Variants in ZCWPW2 observed in about 807,000 individuals in gnomAD.
The protein encoded by ZCWPW2 is zinc finger CW-type and PWWP domain containing 2.
ZCWPW2 carries 45 observed loss-of-function variants against 46.6 expected under a neutral mutation model. The ratio of observed to expected loss-of-function variants is 0.96; its 90% CI spans 0.76 to 1.24. ZCWPW2 has a LOEUF of 1.24. Among genes scored for constraint, ZCWPW2 ranks in the 50% most tolerant of loss-of-function variants. The pLI is 0.00. For missense variants in ZCWPW2, 429 were observed against 403.9 expected, an observed-to-expected ratio of 1.06 and a Z score of -0.53; for synonymous variants, 152 against 137.1, an observed-to-expected ratio of 1.11 and a Z score of -0.76.
intron 4 of ZCWPW2, among the ~76,000 whole-genome samples, chr3:28,476,720 A>G (rs1699248634): frequency 6.6e-6 from 1 of 152,168 alleles, no homozygotes; most frequent in Admixed American, 6.5e-5. Flanking sequence ...ATAGTTATAT[A>G]ACTCACCATA....
At chr3:28,371,033 A>AT (rs567259657) in intron 1 of ZCWPW2, among the ~76,000 whole-genome samples, 159 of 150,840 alleles carry the variant, frequency 1.1e-3, no homozygotes, top group Middle Eastern at 6.8e-3. Context: ...TGCCCAATAA[A>AT]TTTTTTTTTT....
At chr3:28,498,756 C>T (rs753803826) in intron 6 of ZCWPW2, among the ~76,000 whole-genome samples, 3 of 151,826 alleles carry the variant, frequency 2.0e-5, no homozygotes, top group Non-Finnish European at 4.4e-5. Flanking sequence ...CCCATCAACC[C>T]GTCATCTACA....
At chr3:28,459,549 C>G (rs1365412148) in intron 4 of ZCWPW2, among the ~76,000 whole-genome samples, 2 of 152,092 alleles carry the variant, frequency 1.3e-5, no homozygotes, top group African/African-American at 4.8e-5. Context: ...ATTGTGTTTA[C>G]TCTATGGAAT....
rs369792036 is a variant in ZCWPW2, at chr3:28,521,024, C to G, written c.817C>G (p.Leu273Val). ...VCETEVLLKE[L>V]EQMLQQALQP... ...TGAGACGGAAGTTTTACTAAAAGAG[C>G]TGGAGCAAATGCTGCAGCAAGCACT... is the stretch of plus-strand genomic sequence containing the variant. The change falls in exon 9 of 10, where the codon CTG (leucine) becomes GTG (valine). Residue 273 changes from leucine to valine, a missense_variant. Leu to Val is a conservative substitution (Grantham distance 32). Coordinates refer to ENST00000383768, the MANE Select transcript of ZCWPW2 (RefSeq NM_001040432.4). 7 of 1,613,308 alleles carry G rather than the reference C, an allele frequency of 4.3e-6. No individual in the cohort carries two copies. The highest frequency in any genetic ancestry group is 4.0e-5 in the African/African-American group (3 of 74,856).
chr3:28,365,687 G>A (rs1236918963), intron 1 of ZCWPW2, among the ~76,000 whole-genome samples: 2 of 141,228 alleles, frequency 1.4e-5, no homozygotes, highest in African/African-American at 5.0e-5. Flanking sequence ...TGTGAAGAAA[G>A]TCATTGGTAG....
At chr3:28,354,125 G>A (rs1704648561) in intron 1 of ZCWPW2, among the ~76,000 whole-genome samples, 1 of 152,040 alleles carries the variant, frequency 6.6e-6, no homozygotes, top group South Asian at 2.1e-4. Flanking sequence ...TTGACAAAGA[G>A]CTGTGTGAAA....
chr3:28,353,515 G>A (rs868863553), intron 1 of ZCWPW2, among the ~76,000 whole-genome samples: 1 of 152,154 alleles, frequency 6.6e-6, no homozygotes, highest in African/African-American at 2.4e-5. Context: ...CATGATGGTA[G>A]ATTTTAAATT....
chr3:28,430,834 TGAA>T (rs1297582636), intron 3 of ZCWPW2, among the ~76,000 whole-genome samples: 1 of 152,152 alleles, frequency 6.6e-6, no homozygotes, highest in Admixed American at 6.5e-5. Flanking sequence ...TGCTGCCATG[TGAA>T]GAAGGACATG....
chr3:28,513,960 G>T (rs1700495519), intron 6 of ZCWPW2, 104 bp from the exon 7 acceptor site: 1 of 801,506 alleles, frequency 1.2e-6, no homozygotes, highest in Non-Finnish European at 1.7e-6. Flanking sequence ...ATCAGCCGGG[G>T]TGTTTCTTCT....
intron 6 of ZCWPW2, among the ~76,000 whole-genome samples, chr3:28,505,621 C>G (rs1700255232): frequency 6.6e-6 from 1 of 152,084 alleles, no homozygotes; most frequent in African/African-American, 2.4e-5. Context: ...AGTTTTCATC[C>G]TTATTCTAAG....
intron 6 of ZCWPW2, among the ~76,000 whole-genome samples, chr3:28,492,951 G>C (rs1012182290): frequency 6.6e-6 from 1 of 151,940 alleles, no homozygotes; most frequent in Admixed American, 6.6e-5. Context: ...AACAGAAAAG[G>C]GTGTTGGGCA....
intron 1 of ZCWPW2, among the ~76,000 whole-genome samples, chr3:28,390,033 G>A (rs1358181663): frequency 6.6e-6 from 1 of 152,108 alleles, no homozygotes; most frequent in Admixed American, 6.5e-5. Context: ...AAATACCTAG[G>A]CACCATGGCC....
intron 6 of ZCWPW2, among the ~76,000 whole-genome samples, chr3:28,497,543 A>G (rs1700024565): frequency 6.6e-6 from 1 of 151,654 alleles, no homozygotes; most frequent in African/African-American, 2.4e-5. Flanking sequence ...TTATTTCTAT[A>G]GGATAGATCC....
At chr3:28,463,827 C>T (rs1698728154) in intron 4 of ZCWPW2, among the ~76,000 whole-genome samples, 2 of 149,360 alleles carry the variant, frequency 1.3e-5, no homozygotes, top group African/African-American at 5.0e-5. Flanking sequence ...TTCAACAGAG[C>T]AAGACCCTCT....
Position 28,435,036 on chromosome 3 carries a change from A to G in ZCWPW2, c.333-74A>G, listed in dbSNP as rs943791759. The G allele has an allele frequency of 1.3e-5, 19 of 1,512,112 alleles. No homozygotes were observed. In the African/African-American group the frequency reaches 2.2e-4, roughly 18 times the overall value. 93.7% of individuals were successfully genotyped at this position (1,512,112 alleles called of 1,614,324 possible). ...TTAAAATTCAAAGGAGGAAGTTAAT[A>G]TGCGATTGATAGACGTGTTGATGTC... On this transcript the variant is annotated intron_variant, in intron 3 of 9. Transcript: ENST00000383768.
chr3:28,412,061 T>A (rs1364249497), intron 2 of ZCWPW2, among the ~76,000 whole-genome samples: 1 of 152,032 alleles, frequency 6.6e-6, no homozygotes, highest in African/African-American at 2.4e-5. Context: ...TGTAAGTAAG[T>A]GAGCTTCTAA....
intron 2 of ZCWPW2, among the ~76,000 whole-genome samples, chr3:28,392,848 T>C (rs905818206): frequency 6.7e-6 from 1 of 149,654 alleles, no homozygotes; most frequent in Non-Finnish European, 1.5e-5. Flanking sequence ...AATACATACA[T>C]GAAGAAAAAT....
chr3:28,490,041 A>G (rs1699753356), intron 5 of ZCWPW2, among the ~76,000 whole-genome samples: 1 of 152,158 alleles, frequency 6.6e-6, no homozygotes, highest in Non-Finnish European at 1.5e-5. Context: ...AAGAAAACAT[A>G]TATGTGGCTA....
intron 2 of ZCWPW2, among the ~76,000 whole-genome samples, chr3:28,395,146 T>C (rs1054011953): frequency 1.3e-5 from 2 of 152,088 alleles, no homozygotes; most frequent in African/African-American, 4.8e-5. Flanking sequence ...CCCACATACA[T>C]TGATGTTGAA....
Sources: allele counts gnomAD v4.1 joint callset (sites outside exome capture counted in the v4.1 genomes callset), GRCh38; gene constraint gnomAD v4.1.1; transcripts MANE v1.5; gene names NCBI Gene and HGNC (gene_info 2026-07-23, HGNC 2026-07-21).